The following CLIC5 variants were observed in gnomAD, a reference collection of about 807,000 sequenced individuals.
The protein encoded by CLIC5 is CLIC family member 5.
A neutral mutation model predicts 24.7 loss-of-function variants in CLIC5; 20 were observed. The observed-to-expected ratio is 0.81, with a 90% CI of 0.57 to 1.18. The LOEUF (loss-of-function observed/expected upper bound fraction) is 1.18, where lower values mean the gene tolerates loss of function less well. Among genes scored for constraint, CLIC5 ranks in the 50% most tolerant of loss-of-function variants. The probability of loss-of-function intolerance (pLI) is 0.00; values close to 1 mark genes in which losing one functional copy is unlikely to be tolerated. For missense variants in CLIC5, 341 were observed against 326.1 expected (o/e 1.05, Z -0.35); for synonymous variants, 159 against 135.6 (o/e 1.17, Z -1.20).
intron 1 of CLIC5, among the ~76,000 whole-genome samples, chr6:46,032,403 T>C (rs1179889634): frequency 1.3e-5 from 2 of 152,226 alleles, no homozygotes; most frequent in African/African-American, 4.8e-5. Flanking sequence ...TATCAAGTGG[T>C]TATTTCAGGA....
chr6:45,976,543 G>T (rs561372188), intron 1 of CLIC5, among the ~76,000 whole-genome samples: 2 of 152,164 alleles, frequency 1.3e-5, no homozygotes, highest in Non-Finnish European at 2.9e-5. Context: ...ATTTAATAAA[G>T]GTTGGTGCAA....
intron 1 of CLIC5, among the ~76,000 whole-genome samples, chr6:45,984,776 A>T (rs533561979): frequency 1.3e-5 from 2 of 152,086 alleles, no homozygotes; most frequent in Non-Finnish European, 2.9e-5. Flanking sequence ...AAAATCACTA[A>T]TGAAGAATTC....
At chr6:45,994,688 G>C (rs1766065154) in intron 1 of CLIC5, among the ~76,000 whole-genome samples, 1 of 152,164 alleles carries the variant, frequency 6.6e-6, no homozygotes, top group South Asian at 2.1e-4. Context: ...GAAAGAAGCA[G>C]ATAAATCTGG....
the CLIC5 span, among the ~76,000 whole-genome samples, chr6:46,119,281 C>T: frequency 7.2e-5 from 11 of 152,254 alleles, no homozygotes; most frequent in Admixed American, 7.2e-4. Flanking sequence ...TTCCTGACTT[C>T]TTGCAGCTGA....
chr6:45,934,975 TG>T (rs1736337703), intron 4 of CLIC5, among the ~76,000 whole-genome samples: 1 of 152,198 alleles, frequency 6.6e-6, no homozygotes, highest in African/African-American at 2.4e-5. Context: ...AAATAAATCA[TG>T]TGTATTGCTA....
At chr6:46,060,804 CTTCAGTGGTTATTCAGTACTGAGCA>C (rs942938875) in intron 1 of CLIC5, among the ~76,000 whole-genome samples, 2 of 152,186 alleles carry the variant, frequency 1.3e-5, no homozygotes, top group African/African-American at 4.8e-5. Context: ...CTCTGCGTGC[CTTCAGTGGTTATTCAGTACTGAGCA>C]TTATATGCTC....
At chr6:46,054,706 T>C (rs1768198435) in intron 1 of CLIC5, among the ~76,000 whole-genome samples, 1 of 152,214 alleles carries the variant, frequency 6.6e-6, no homozygotes, top group African/African-American at 2.4e-5. Context: ...AGGTTTACTA[T>C]CCTTTTAAGA....
rs553664447 is a variant in CLIC5 at position 45,929,349 on chromosome 6, C to T, written c.406+12198G>A. On this transcript the variant is annotated intron_variant, in intron 4 of 5. Coordinates refer to ENST00000339561, the MANE Select transcript of CLIC5 (RefSeq NM_016929.5). ...CCACTCCTCTCCCTCCTGCCCTCAG[C>T]CCCAAGGACCCTCCATGAGGGAGGA... 2.0e-5 allele frequency among the ~76,000 whole-genome samples: 3 copies of T among 152,352 alleles called. No homozygotes were observed. The East Asian group carries it at 5.8e-4, about 29-fold the overall frequency.
chr6:45,992,198 G>A lies in CLIC5; in HGVS notation c.63+23282C>T, dbSNP rs9472645. Among the ~76,000 whole-genome samples the A allele has an allele frequency of 1.7e-3, 261 of 152,248 alleles. 1 individual carries two copies. The highest frequency in any genetic ancestry group is 5.9e-3 in the African/African-American group (245 of 41,560). On this transcript the variant is annotated intron_variant, in intron 1 of 5. Coordinates refer to ENST00000339561, the MANE Select transcript of CLIC5 (RefSeq NM_016929.5). ...CACCTCTAAATCTGACTCTGCCTTG[G>A]GGACCTTGTCCTGCATTCCTGCACA...
chr6:46,046,449 G>C (rs926169940), intron 1 of CLIC5, among the ~76,000 whole-genome samples: 1 of 152,206 alleles, frequency 6.6e-6, no homozygotes, highest in African/African-American at 2.4e-5. Context: ...AGTGCAAAGA[G>C]AGTGGGAAAT....
chr6:45,886,899 TCTC>T (rs557373596), intron 6 of CLIC5, among the ~76,000 whole-genome samples: 2 of 152,254 alleles, frequency 1.3e-5, no homozygotes, highest in African/African-American at 4.8e-5. Flanking sequence ...AGGCTTCTGA[TCTC>T]CTGATCATTC....
In CLIC5 at chr6:45,989,355, T is replaced by C. The variant is rs9463157; in HGVS notation, c.63+26125A>G. 7.7e-3 allele frequency among the ~76,000 whole-genome samples: 1,167 copies of C among 152,302 alleles called. 14 individuals are homozygous for C. Among genetic ancestry groups the C allele is most frequent in the African/African-American group, 0.027 (1,122 of 41,554 alleles). ...TCTATAAATATTCTCATTCCTGATA[T>C]TATCTCTGTAAAAAAGGTGATATCA... On this transcript the variant is annotated intron_variant, in intron 1 of 5. Coordinates refer to ENST00000339561, the MANE Select transcript of CLIC5 (RefSeq NM_016929.5).
intron 1 of CLIC5, among the ~76,000 whole-genome samples, chr6:45,978,381 C>G (rs531532219): frequency 1.3e-5 from 2 of 152,202 alleles, no homozygotes; most frequent in South Asian, 4.1e-4. Context: ...GAATCGTAAG[C>G]TTTCCAATAA....
chr6:46,031,605 C>A (rs2127455870), intron 1 of CLIC5, among the ~76,000 whole-genome samples: 1 of 151,906 alleles, frequency 6.6e-6, no homozygotes, highest in African/African-American at 2.4e-5. Flanking sequence ...AAGTTGAAGA[C>A]AAATTTGGGC....
At chr6:45,989,940 T>A (rs1271179375) in intron 1 of CLIC5, among the ~76,000 whole-genome samples, 3 of 152,288 alleles carry the variant, frequency 2.0e-5, no homozygotes, top group Non-Finnish European at 2.9e-5. Flanking sequence ...GACGTCTCCA[T>A]CCATATATGC....
Position 45,912,001 on chromosome 6 carries a change from G to A in CLIC5, c.588+2227C>T, listed in dbSNP as rs199687499. 7.1e-6 allele frequency: 7 copies of A among 985,588 alleles called. No individual in the cohort carries two copies. The East Asian group carries it at 5.7e-4, about 80-fold the overall frequency. 61.1% of individuals were successfully genotyped at this position (985,588 alleles called of 1,614,324 possible). A position where few individuals can be genotyped will look rare whatever the true frequency, so the allele number is the denominator to read the frequency against. On this transcript the variant is annotated intron_variant, in intron 5 of 5. Transcript: ENST00000339561. Reference sequence around the variant, plus strand: ...GGGATGGAGATAAACCTGAAAGCGAGCCACGCAAGAGGAGAGTGAGCATGA... The same window carrying A: ...GGGATGGAGATAAACCTGAAAGCGAACCACGCAAGAGGAGAGTGAGCATGA...
intron 4 of CLIC5, among the ~76,000 whole-genome samples, chr6:45,914,923 A>G (rs548170087): frequency 4.0e-5 from 6 of 151,832 alleles, no homozygotes; most frequent in Non-Finnish European, 7.4e-5. Context: ...CAATTTATTT[A>G]TTTATTTGTT....
At chr6:45,945,786 T>C (rs1341352627) in intron 3 of CLIC5, among the ~76,000 whole-genome samples, 1 of 152,220 alleles carries the variant, frequency 6.6e-6, no homozygotes, top group African/African-American at 2.4e-5. Flanking sequence ...TCTTGTTTTT[T>C]ACTGTGGTGA....
chr6:45,886,622 A>G (rs2127281600), intron 6 of CLIC5, among the ~76,000 whole-genome samples: 1 of 152,320 alleles, frequency 6.6e-6, no homozygotes, highest in Non-Finnish European at 1.5e-5. Context: ...GATCACCTGA[A>G]AGGAAATCTG....
Sources: gnomAD v4.1 joint callset for allele counts (sites outside exome capture counted in the v4.1 genomes callset) on GRCh38, gnomAD v4.1.1 for gene constraint, MANE v1.5 for transcripts, NCBI Gene and HGNC (gene_info 2026-07-23, HGNC 2026-07-21) for gene names.